EPHA3: variants seen among roughly 807,000 people sequenced by gnomAD.
EPHA3 encodes the protein EPH receptor A3.
Under a neutral mutation model 107.1 loss-of-function variants are expected in EPHA3, and 42 were observed. That is an observed-to-expected ratio of 0.39 (90% confidence interval 0.31 to 0.51). The LOEUF (loss-of-function observed/expected upper bound fraction) is 0.51. EPHA3 is among the 20% of genes least tolerant of loss of function. The pLI is 0.78. For missense variants in EPHA3, 1,183 were observed against 1,211.2 expected (o/e 0.98, Z 0.35); for synonymous variants, 461 against 424.8 (o/e 1.09, Z -1.05).
intron 15 of EPHA3, among the ~76,000 whole-genome samples, chr3:89,458,883 G>A (rs1475396358): frequency 1.1e-4 from 16 of 152,132 alleles, no homozygotes; most frequent in African/African-American, 3.9e-4. Context: ...TTGCAGGGAC[G>A]TGGATGAAGC....
intron 3 of EPHA3, among the ~76,000 whole-genome samples, chr3:89,267,580 G>A (rs1705566695): frequency 1.3e-5 from 2 of 152,104 alleles, no homozygotes; most frequent in African/African-American, 4.8e-5. Flanking sequence ...AACATTAAAA[G>A]CCCTTCACCA....
chr3:89,340,343 C>T (rs1222073306), intron 3 of EPHA3, among the ~76,000 whole-genome samples: 4 of 152,030 alleles, frequency 2.6e-5, no homozygotes, highest in Non-Finnish European at 5.9e-5. Context: ...TTATTTTAGG[C>T]CATTGCCATA....
intron 15 of EPHA3, among the ~76,000 whole-genome samples, chr3:89,457,129 A>G (rs1710112683): frequency 6.6e-6 from 1 of 152,192 alleles, no homozygotes; most frequent in Non-Finnish European, 1.5e-5. Flanking sequence ...TGAAATTTCT[A>G]CAGGTAGGTA....
At chr3:89,260,860 T>TAAAAA (rs1705397871) in intron 3 of EPHA3, among the ~76,000 whole-genome samples, 1 of 152,236 alleles carries the variant, frequency 6.6e-6, no homozygotes, top group East Asian at 1.9e-4. Flanking sequence ...GGCTGCTTTT[T>TAAAAA]CCCATTGTTT....
chr3:89,204,899 C>T (rs540479345), intron 2 of EPHA3, among the ~76,000 whole-genome samples: 2 of 152,086 alleles, frequency 1.3e-5, no homozygotes, highest in African/African-American at 2.4e-5. Flanking sequence ...TAACATGAAC[C>T]GACTTAATAT....
chr3:89,127,333 A>G (rs1476695407), intron 2 of EPHA3, 60 bp downstream of exon 2: 4 of 1,322,380 alleles, frequency 3.0e-6, no homozygotes, highest in African/African-American at 2.9e-5. Flanking sequence ...TAGGGAGCAG[A>G]TGAATTTATT....
chr3:89,188,422 T>C (rs1423690797), intron 2 of EPHA3, among the ~76,000 whole-genome samples: 1 of 152,200 alleles, frequency 6.6e-6, no homozygotes, highest in African/African-American at 2.4e-5. Context: ...GTCAGCATAC[T>C]ATTTTCATAG....
intron 2 of EPHA3, among the ~76,000 whole-genome samples, chr3:89,186,552 T>C (rs1167974613): frequency 6.6e-6 from 1 of 152,138 alleles, no homozygotes; most frequent in Non-Finnish European, 1.5e-5. Context: ...TATTTTCTGA[T>C]GTTTATTAGT....
At chr3:89,237,726 G>A (rs1704800833) in intron 3 of EPHA3, among the ~76,000 whole-genome samples, 1 of 152,102 alleles carries the variant, frequency 6.6e-6, no homozygotes, top group Non-Finnish European at 1.5e-5. Context: ...AGCTCTTTTG[G>A]AGGCCAAGGC....
chr3:89,300,243 C>T (rs2107344461), intron 3 of EPHA3, among the ~76,000 whole-genome samples: 1 of 151,804 alleles, frequency 6.6e-6, no homozygotes, highest in African/African-American at 2.4e-5. Flanking sequence ...AGTATTACTC[C>T]AGTTATATTT....
At chr3:89,248,681 C>T (rs1204584411) in intron 3 of EPHA3, among the ~76,000 whole-genome samples, 1 of 152,140 alleles carries the variant, frequency 6.6e-6, no homozygotes, top group Admixed American at 6.5e-5. Flanking sequence ...ATGCTATAAT[C>T]CCTGCAGCTT....
chr3:89,326,460 C>A (rs1418465827), intron 3 of EPHA3, among the ~76,000 whole-genome samples: 1 of 151,974 alleles, frequency 6.6e-6, no homozygotes, highest in East Asian at 1.9e-4. Context: ...GCAATCATGA[C>A]TCACTGAAGC....
chr3:89,168,192 T>G (rs1705122079), intron 2 of EPHA3, among the ~76,000 whole-genome samples: 1 of 152,172 alleles, frequency 6.6e-6, no homozygotes. Flanking sequence ...ATTTTTGGCT[T>G]GCCTGATTTG....
chr3:89,372,943 G>C (rs1708336320), intron 5 of EPHA3, among the ~76,000 whole-genome samples: 1 of 151,690 alleles, frequency 6.6e-6, no homozygotes, highest in Non-Finnish European at 1.5e-5. Flanking sequence ...CATGAAAAAA[G>C]TAGTTTGATC....
chr3:89,401,375 A>G (rs1465882880), intron 7 of EPHA3, among the ~76,000 whole-genome samples: 1 of 152,226 alleles, frequency 6.6e-6, no homozygotes, highest in Non-Finnish European at 1.5e-5. Flanking sequence ...TTTAATCCTC[A>G]CAATAAAATG....
rs192426743 is a variant in EPHA3 at position 89,207,988 on chromosome 3, G to T, written c.154-1872G>T. 3.9e-3 allele frequency among the ~76,000 whole-genome samples: 598 copies of T among 152,188 alleles called. 2 individuals carry two copies. Among genetic ancestry groups the T allele is most frequent in the African/African-American group, 0.014 (580 of 41,526 alleles). The stretch of plus-strand genomic sequence containing the variant: ...CAAATGAATAGGGGATTCAATAAGG[G>T]TTCTATAATACAGAAATTTTCTTAA... On this transcript the variant is annotated intron_variant, in intron 2 of 16. Transcript: ENST00000336596.
chr3:89,210,596 C>A, intron 3 of EPHA3, 76 bp downstream of exon 3: 1 of 1,433,004 alleles, frequency 7.0e-7, no homozygotes, highest in Non-Finnish European at 9.3e-7. Flanking sequence ...AAATGAAATG[C>A]ACTCAGTCTC....
At chr3:89,130,036 G>GT (rs1704172971) in intron 2 of EPHA3, among the ~76,000 whole-genome samples, 1 of 152,026 alleles carries the variant, frequency 6.6e-6, no homozygotes, top group African/African-American at 2.4e-5. Context: ...TAGGGTAGTG[G>GT]TTCTTAACAG....
At chr3:89,357,829 T>G (rs1708000307) in intron 5 of EPHA3, among the ~76,000 whole-genome samples, 1 of 151,274 alleles carries the variant, frequency 6.6e-6, no homozygotes, top group South Asian at 2.1e-4. Context: ...AACTTCAGTT[T>G]AATTTGACAT....
Sources: allele counts gnomAD v4.1 joint callset (sites outside exome capture counted in the v4.1 genomes callset), GRCh38; gene constraint gnomAD v4.1.1; transcripts MANE v1.5; gene names NCBI Gene and HGNC (gene_info 2026-07-23, HGNC 2026-07-21).